Variants in YEATS2 observed in about 807,000 individuals in gnomAD.
The protein encoded by YEATS2 is YEATS domain-containing protein 2.
YEATS2 carries 77 observed loss-of-function variants against 163.2 expected under a neutral mutation model. The ratio of observed to expected loss-of-function variants is 0.47; its 90% confidence interval spans 0.39 to 0.57. The LOEUF (loss-of-function observed/expected upper bound fraction) is 0.57, where lower values mean the gene tolerates loss of function less well. Among genes scored for constraint, YEATS2 ranks in the 20% least tolerant of loss-of-function variants. The pLI is 0.00. For synonymous variants in YEATS2, 631 were observed against 645.1 expected (o/e 0.98, Z 0.33); for missense variants, 1,549 against 1,729.8 (o/e 0.90, Z 1.85).
chr3:183,747,969 A>G (rs761835946), intron 9 of YEATS2, among the ~76,000 whole-genome samples: 20 of 151,734 alleles, frequency 1.3e-4, no homozygotes, highest in Non-Finnish European at 2.5e-4. Flanking sequence ...TAGTAGAGAC[A>G]GGGTTTCACA....
At chr3:183,792,563 G>A (rs1724761300) in intron 21 of YEATS2, among the ~76,000 whole-genome samples, 1 of 152,072 alleles carries the variant, frequency 6.6e-6, no homozygotes, top group African/African-American at 2.4e-5. Flanking sequence ...TGTCGCCCAC[G>A]CTGGAGTGCA....
intron 18 of YEATS2, 110 bp downstream of exon 18, chr3:183,776,233 C>T: frequency 1.8e-6 from 2 of 1,103,032 alleles, no homozygotes; most frequent in Non-Finnish European, 2.5e-6. Context: ...ATACTAACAC[C>T]TTAACCGTGT....
At chr3:183,783,768 C>T (rs1030639181) in intron 19 of YEATS2, among the ~76,000 whole-genome samples, 1 of 152,154 alleles carries the variant, frequency 6.6e-6, no homozygotes, top group African/African-American at 2.4e-5. Flanking sequence ...ATGGTGTATC[C>T]AGTCCACTGC....
At chr3:183,783,064 A>G (rs914851194) in intron 19 of YEATS2, among the ~76,000 whole-genome samples, 7 of 152,230 alleles carry the variant, frequency 4.6e-5, no homozygotes, top group Non-Finnish European at 8.8e-5. Context: ...CTTTATTTGC[A>G]TAAAGCTCCA....
chr3:183,744,877 A>C (rs996658344), intron 8 of YEATS2, among the ~76,000 whole-genome samples: 1 of 151,728 alleles, frequency 6.6e-6, no homozygotes, highest in African/African-American at 2.4e-5. Context: ...TTGAGGCAGA[A>C]TCTCACTCTG....
At chr3:183,753,229 C>G (rs1720368214) in intron 10 of YEATS2, among the ~76,000 whole-genome samples, 1 of 152,088 alleles carries the variant, frequency 6.6e-6, no homozygotes, top group South Asian at 2.1e-4. Context: ...AGATTCATCA[C>G]CAACAATGTA....
At chr3:183,717,050 G>A (rs867917750) in intron 2 of YEATS2, among the ~76,000 whole-genome samples, 1 of 151,722 alleles carries the variant, frequency 6.6e-6, no homozygotes, top group Non-Finnish European at 1.5e-5. Context: ...CCCCCACTAC[G>A]CCCAGCTAGT....
chr3:183,760,969 A>T (rs1721290709), intron 13 of YEATS2, among the ~76,000 whole-genome samples: 1 of 152,222 alleles, frequency 6.6e-6, no homozygotes, highest in Admixed American at 6.5e-5. Flanking sequence ...TTTCCAGTGT[A>T]CAGCAGGACA....
intron 1 of YEATS2, among the ~76,000 whole-genome samples, chr3:183,698,651 C>A (rs1441619281): frequency 6.6e-6 from 1 of 152,210 alleles, no homozygotes; most frequent in African/African-American, 2.4e-5. Flanking sequence ...AGCAATCTTA[C>A]AGGCCTGACA....
chr3:183,761,623 G>A lies in YEATS2; in HGVS notation c.1764+9G>A. 1.2e-6 allele frequency: 2 copies of A among 1,610,474 alleles called. No individual in the cohort carries two copies. Among genetic ancestry groups the A allele is most frequent in the Non-Finnish European group, 1.7e-6 (2 of 1,176,660 alleles). On this transcript the variant is annotated intron_variant, in intron 14 of 30. Transcript: ENST00000305135. Reference sequence around the variant, plus strand: ...TTGGAGCTTTCACAAAAGTGAGTATGTATTAGGGCATTGTCCCACAAGTCA... The same window carrying A: ...TTGGAGCTTTCACAAAAGTGAGTATATATTAGGGCATTGTCCCACAAGTCA...
Position 183,759,081 on chromosome 3 carries a change from C to T in YEATS2, c.1656+116C>T, listed in dbSNP as rs943070204. 12 of 688,200 alleles carry T rather than the reference C, an allele frequency of 1.7e-5. No individual in the cohort carries two copies. The East Asian group carries it at 3.9e-4, about 22-fold the overall frequency. The allele number at this position is 688,200 out of a possible 1,614,324, so 42.6% of individuals were successfully genotyped here. The stretch of plus-strand genomic sequence containing the variant: ...CGTATTAACCAGGCTGTATCGAACT[C>T]CTGGCCTCAAGAGATCTGCCACCTC... On this transcript the variant is annotated intron_variant, in intron 13 of 30. Transcript: ENST00000305135.
At chr3:183,747,613 A>G (rs556602627) in intron 8 of YEATS2, 59 bp from the exon 9 acceptor site, 4 of 1,445,368 alleles carry the variant, frequency 2.8e-6, no homozygotes, top group Non-Finnish European at 2.9e-6. Flanking sequence ...ATTGTATCCT[A>G]TGATAATATG....
intron 19 of YEATS2, among the ~76,000 whole-genome samples, chr3:183,782,068 G>A (rs527341640): frequency 2.0e-5 from 3 of 152,094 alleles, no homozygotes; most frequent in East Asian, 1.9e-4. Context: ...ATCTATATGT[G>A]TGTTAATCGT....
intron 13 of YEATS2, among the ~76,000 whole-genome samples, chr3:183,759,273 T>A (rs1009318700): frequency 6.6e-6 from 1 of 152,202 alleles, no homozygotes; most frequent in African/African-American, 2.4e-5. Flanking sequence ...CCCCCAGACT[T>A]TACTAACTTA....
At chr3:183,737,068 A>G (rs1718416730) in intron 8 of YEATS2, among the ~76,000 whole-genome samples, 1 of 152,216 alleles carries the variant, frequency 6.6e-6, no homozygotes. Context: ...TATTCTTACA[A>G]TAAAGTAAGC....
intron 22 of YEATS2, 42 bp downstream of exon 22, chr3:183,798,093 C>G: frequency 6.2e-7 from 1 of 1,607,872 alleles, no homozygotes; most frequent in Non-Finnish European, 8.5e-7. Context: ...GTGGCTGCCT[C>G]CACATCTCCC....
At chr3:183,785,488 CAAAAAAA>C (rs146941322) in intron 19 of YEATS2, among the ~76,000 whole-genome samples, 1 of 52,252 alleles carries the variant, frequency 1.9e-5, no homozygotes, top group Non-Finnish European at 3.9e-5. Context: ...GACTCTGTCT[CAAAAAAA>C]AAAAAAAAAA....
intron 11 of YEATS2, among the ~76,000 whole-genome samples, chr3:183,755,732 C>A: frequency 2.4e-5 from 1 of 42,402 alleles, no homozygotes; most frequent in Admixed American, 3.0e-4. Context: ...TGATTTTCTT[C>A]CTTCCTTTCT....
intron 29 of YEATS2, 117 bp downstream of exon 29, chr3:183,808,221 T>A: frequency 1.2e-6 from 1 of 823,872 alleles, no homozygotes; most frequent in Non-Finnish European, 1.9e-6. Flanking sequence ...TCTCGTCTTA[T>A]TTGGGCTTAA....
Sources: allele counts gnomAD v4.1 joint callset (sites outside exome capture counted in the v4.1 genomes callset), GRCh38; gene constraint gnomAD v4.1.1; transcripts MANE v1.5; gene names NCBI Gene and HGNC (gene_info 2026-07-23, HGNC 2026-07-21).